The following SPG11 variants were observed in gnomAD, a reference collection of about 807,000 sequenced individuals.
SPG11 encodes SPG11 vesicle trafficking associated, spatacsin, also known as spatacsin.
A neutral mutation model predicts 274.0 loss-of-function variants in SPG11; 222 were observed. The observed-to-expected ratio is 0.81, with a 90% CI of 0.73 to 0.91. The LOEUF (loss-of-function observed/expected upper bound fraction) is 0.91. Ranked by LOEUF, SPG11 falls within the 40% of genes least tolerant of loss-of-function variation. SPG11 has a pLI of 0.00. For synonymous variants in SPG11, 1,144 were observed against 1,039.7 expected (o/e 1.10, Z -1.93); for missense variants, 3,114 against 2,872.7 (o/e 1.08, Z -1.92).
Position 44,573,740 on chromosome 15 carries a change from C to G in SPG11, c.6012G>C (p.Leu2004Phe). ...VLCLYDLAKE[L>F]GCSYTDVAAQ... Reference sequence around the variant, plus strand: ...CAGCAACATCTGTGTAGGAACAGCCCAACTCCTGAGAGGAAGACAAAGCCA... The same window carrying G: ...CAGCAACATCTGTGTAGGAACAGCCGAACTCCTGAGAGGAAGACAAAGCCA... The change falls in exon 32 of 40, where the codon TTG (leucine) becomes TTC (phenylalanine). Residue 2004 changes from leucine to phenylalanine, a missense_variant. Leu to Phe is a conservative substitution (Grantham distance 22). Transcript: ENST00000261866. 6.2e-7 allele frequency: 1 copy of G among 1,614,158 alleles called. No individual in the cohort carries two copies. Among genetic ancestry groups the G allele is most frequent in the Middle Eastern group, 1.6e-4 (1 of 6,062 alleles).
intron 15 of SPG11, among the ~76,000 whole-genome samples, chr15:44,619,721 A>ATT (rs1231420239): frequency 2.2e-4 from 30 of 135,754 alleles, no homozygotes; most frequent in African/African-American, 4.7e-4. Flanking sequence ...AATGCATATG[A>ATT]TTTTTTTTTT....
Position 44,585,769 on chromosome 15 carries a change from C to T in SPG11, c.4988G>A (p.Ser1663Asn), listed in dbSNP as rs1438709254. The change falls in exon 29 of 40, where the codon AGC becomes AAC. Residue 1663 changes from serine to asparagine, a missense_variant. Coordinates refer to ENST00000261866, the MANE Select transcript of SPG11 (RefSeq NM_025137.4). Reference sequence around the variant, plus strand: ...ATGCTGAAGATTCTCAATGCTGTAGCTGGTAATAATTGTATGATTAATGGC... The same window carrying T: ...ATGCTGAAGATTCTCAATGCTGTAGTTGGTAATAATTGTATGATTAATGGC... ...SIAINHTIIT[S>N]YSIENLQHEC... 6.2e-7 allele frequency: 1 copy of T among 1,613,932 alleles called. No homozygotes were observed. Among genetic ancestry groups the T allele is most frequent in the Admixed American group, 1.7e-5 (1 of 59,978 alleles).
At chr15:44,593,147 A>C (rs1299951524) in intron 26 of SPG11, among the ~76,000 whole-genome samples, 1 of 152,202 alleles carries the variant, frequency 6.6e-6, no homozygotes, top group Admixed American at 6.5e-5. Flanking sequence ...CCTATTGCAC[A>C]CAGGCAGGAA....
intron 18 of SPG11, 47 bp downstream of exon 18, chr15:44,610,793 C>T: frequency 1.3e-6 from 2 of 1,549,504 alleles, no homozygotes; most frequent in Non-Finnish European, 1.8e-6. Context: ...GATAATTCTG[C>T]TAAATTTAAA....
chr15:44,563,782 G>C (rs1047344720), intron 39 of SPG11, among the ~76,000 whole-genome samples: 1 of 152,012 alleles, frequency 6.6e-6, no homozygotes, highest in African/African-American at 2.4e-5. Flanking sequence ...GTGCACCACT[G>C]TGCCCACCTT....
chr15:44,630,283 G>A (rs562247273), intron 8 of SPG11, among the ~76,000 whole-genome samples: 1 of 152,240 alleles, frequency 6.6e-6, no homozygotes, highest in South Asian at 2.1e-4. Flanking sequence ...TATGGGAAAC[G>A]GGTTTTCCCC....
At chr15:44,589,972 AATTTTTTTGT>A (rs1264431970) in intron 27 of SPG11, among the ~76,000 whole-genome samples, 1 of 151,976 alleles carries the variant, frequency 6.6e-6, no homozygotes, top group Non-Finnish European at 1.5e-5. Context: ...ACGCCTGGCT[AATTTTTTTGT>A]ATTTTTAATA....
chr15:44,595,915 G>T, intron 25 of SPG11, 168 bp downstream of exon 25: 2 of 865,916 alleles, frequency 2.3e-6, no homozygotes, highest in Non-Finnish European at 3.7e-6. Flanking sequence ...ACACCAAATG[G>T]CCCAGAGCCT....
At chr15:44,628,609 T>C (rs1237300073) in intron 10 of SPG11, 60 bp downstream of exon 10, 12 of 1,451,804 alleles carry the variant, frequency 8.3e-6, no homozygotes, top group Non-Finnish European at 1.2e-5. Flanking sequence ...TTTCTTTCTA[T>C]TGTTTTCTCA....
chr15:44,567,025 C>A (rs549655762), intron 36 of SPG11, among the ~76,000 whole-genome samples: 1 of 151,822 alleles, frequency 6.6e-6, no homozygotes, highest in East Asian at 2.0e-4. Flanking sequence ...ATTCTAATAG[C>A]CCATCTCATG....
Position 44,565,901 on chromosome 15 carries a change from G to C in SPG11, c.6952C>G (p.Arg2318Gly). 1.2e-6 allele frequency: 2 copies of C among 1,613,734 alleles called. No homozygotes were observed. The highest frequency in any genetic ancestry group is 1.1e-5 in the South Asian group (1 of 91,006). The change falls in exon 38 of 40, where the codon CGC (arginine) becomes GGC (glycine). Residue 2318 changes from arginine to glycine, a missense_variant. Coordinates refer to ENST00000261866, the MANE Select transcript of SPG11 (RefSeq NM_025137.4). ...GQNTMLINLG[R>G]HKLMDCILAL... ...AGAATACAGTCCATCAGCTTGTGGC[G>C]GCCCAAGTTGATGAGCATTGTGTTC...
At chr15:44,566,418 A>G (rs1274941418) in intron 36 of SPG11, 113 bp from the exon 37 acceptor site, 1 of 1,013,148 alleles carries the variant, frequency 9.9e-7, no homozygotes, top group Admixed American at 2.0e-5. Context: ...GTTCACAGGC[A>G]GGCAGGAACA....
chr15:44,609,895 ATTTTTT>A (rs771457335), intron 18 of SPG11, among the ~76,000 whole-genome samples: 2 of 106,108 alleles, frequency 1.9e-5, no homozygotes, highest in Non-Finnish European at 1.9e-5. Context: ...TGCCCAGCTA[ATTTTTT>A]TTTTTTTTTT....
intron 31 of SPG11, among the ~76,000 whole-genome samples, chr15:44,574,347 T>C (rs2082489812): frequency 6.6e-6 from 1 of 152,154 alleles, no homozygotes; most frequent in African/African-American, 2.4e-5. Context: ...CCGACTAAAA[T>C]ACGAGAGCCT....
At chr15:44,591,525 A>G (rs147150705) in intron 27 of SPG11, among the ~76,000 whole-genome samples, 5 of 152,358 alleles carry the variant, frequency 3.3e-5, no homozygotes, top group African/African-American at 1.2e-4. Context: ...TCAGGCAAGA[A>G]TAAGAAGATA....
chr15:44,563,023 T>C lies in SPG11; in HGVS notation c.*98A>G, dbSNP rs1466919278. ...GGACTGATATGGTACAGTACCGGGATTGTTCAACTTTAGCAAAGATCTCCA... is the reference window on the plus strand; with the variant it reads ...GGACTGATATGGTACAGTACCGGGACTGTTCAACTTTAGCAAAGATCTCCA... On this transcript the variant is annotated 3_prime_UTR_variant, in exon 40 of 40. Coordinates refer to ENST00000261866, the MANE Select transcript of SPG11 (RefSeq NM_025137.4). 28 of 1,232,748 alleles carry C rather than the reference T, an allele frequency of 2.3e-5. No homozygotes were observed. Among genetic ancestry groups the C allele is most frequent in the Non-Finnish European group, 3.1e-5 (26 of 846,112 alleles). The allele number at this position is 1,232,748 out of a possible 1,614,324, so 76.4% of individuals were successfully genotyped here. A position where few individuals can be genotyped will look rare whatever the true frequency, so the allele number is the denominator to read the frequency against.
intron 34 of SPG11, 56 bp downstream of exon 34, chr15:44,570,469 C>T: frequency 6.2e-7 from 1 of 1,611,682 alleles, no homozygotes; most frequent in Non-Finnish European, 8.5e-7. Flanking sequence ...CCCACCCTTT[C>T]TACTACTCTC....
Position 44,596,370 on chromosome 15 carries a change from A to G in SPG11, c.4162-15T>C. The G allele has an allele frequency of 6.2e-7, 1 of 1,613,960 alleles. No individual in the cohort carries two copies. The highest frequency in any genetic ancestry group is 8.5e-7 in the Non-Finnish European group (1 of 1,179,984). On this transcript the variant is annotated splice_polypyrimidine_tract_variant and intron_variant, in intron 24 of 39. Coordinates refer to ENST00000261866, the MANE Select transcript of SPG11 (RefSeq NM_025137.4). ...AGGGATTTCACCTAGAAGGCATATC[A>G]GATGATTAAACAGAAACCCAACTTT...
At chr15:44,575,865 G>A (rs1401695557) in intron 30 of SPG11, among the ~76,000 whole-genome samples, 4 of 152,090 alleles carry the variant, frequency 2.6e-5, no homozygotes, top group Non-Finnish European at 4.4e-5. Context: ...GCTCTTGGAC[G>A]GGTGCGGTGG....
Sources: gnomAD v4.1 joint callset for allele counts (sites outside exome capture counted in the v4.1 genomes callset) on GRCh38, gnomAD v4.1.1 for gene constraint, MANE v1.5 for transcripts, NCBI Gene and HGNC (gene_info 2026-07-23, HGNC 2026-07-21) for gene names.